Variants in GBF1 observed in about 807,000 individuals in gnomAD.
GBF1 encodes Golgi-specific brefeldin A-resistance guanine nucleotide exchange factor 1.
A neutral mutation model predicts 210.5 loss-of-function variants in GBF1; 114 were observed. The observed-to-expected ratio is 0.54, with a 90% CI of 0.47 to 0.63. GBF1 has a LOEUF of 0.63. Among genes scored for constraint, GBF1 ranks in the 30% least tolerant of loss-of-function variants. The pLI, the probability that GBF1 is intolerant of heterozygous loss-of-function variation, is 0.00. For synonymous variants in GBF1, 850 were observed against 889.2 expected, an observed-to-expected ratio of 0.96 and a Z score of 0.78; for missense variants, 1,851 against 2,357.7, an observed-to-expected ratio of 0.79 and a Z score of 4.45.
At position 102,293,764 on chromosome 10, in the gene GBF1, G is replaced by GTTTTTTTTTTTTTTT. The variant is rs1263151407; in HGVS notation, c.163+33652_163+33653insTTTTTTTTTTTTTTT. Among the ~76,000 whole-genome samples the GTTTTTTTTTTTTTTT allele has an allele frequency of 4.3e-3, 219 of 50,878 alleles. 85 individuals carry two copies. The highest frequency in any genetic ancestry group is 6.5e-3 in the Non-Finnish European group (154 of 23,610). The allele number at this position is 50,878 out of a possible 152,430, so 33.4% of individuals were successfully genotyped here. A position where few individuals can be genotyped will look rare whatever the true frequency, so the allele number is the denominator to read the frequency against. On this transcript the variant is annotated intron_variant, in intron 3 of 39. Transcript: ENST00000369983. ...AAAATATTTTGTACAGCTGTAGTAT[G>GTTTTTTTTTTTTTTT]TTTTGTGTTTTTTTTTTTTTTTTTT...
intron 3 of GBF1, among the ~76,000 whole-genome samples, chr10:102,273,747 T>C (rs1031017153): frequency 6.6e-6 from 1 of 152,280 alleles, no homozygotes; most frequent in African/African-American, 2.4e-5. Context: ...GATGGTTGTT[T>C]CTGGATGAAT....
At chr10:102,295,727 A>T (rs934869596) in intron 3 of GBF1, among the ~76,000 whole-genome samples, 2 of 152,100 alleles carry the variant, frequency 1.3e-5, no homozygotes, top group African/African-American at 4.8e-5. Context: ...TTTTTAAAAG[A>T]CTTATGTGGG....
In GBF1 at chr10:102,351,170, A is replaced by G. The variant is rs942414527; in HGVS notation, c.296-86A>G. The stretch of plus-strand genomic sequence containing the variant: ...CGGGTTAGGGAACTGAAGAGGAAAA[A>G]CTGTCTCTCAAAGCTAGACAGGCTG... On this transcript the variant is annotated intron_variant, in intron 4 of 39. Coordinates refer to ENST00000369983, the MANE Select transcript of GBF1 (RefSeq NM_001377137.1). 6.5e-6 allele frequency: 5 copies of G among 774,276 alleles called. No individual in the cohort carries two copies. The African/African-American group carries it at 8.7e-5, about 13-fold the overall frequency. 48.0% of individuals were successfully genotyped at this position (774,276 alleles called of 1,614,324 possible). A position where few individuals can be genotyped will look rare whatever the true frequency, so the allele number is the denominator to read the frequency against.
chr10:102,362,915 G>A (rs1405384318), intron 15 of GBF1, among the ~76,000 whole-genome samples: 1 of 152,174 alleles, frequency 6.6e-6, no homozygotes, highest in African/African-American at 2.4e-5. Flanking sequence ...AGAGAACAGA[G>A]ATTAAAGAAT....
intron 4 of GBF1, among the ~76,000 whole-genome samples, chr10:102,349,461 GGC>G: frequency 6.6e-6 from 1 of 152,296 alleles, no homozygotes; most frequent in East Asian, 1.9e-4. Context: ...GAACCCAGGA[GGC>G]AGAGGTTGCA....
chr10:102,356,303 A>C (rs2059284760), intron 8 of GBF1, among the ~76,000 whole-genome samples: 1 of 152,168 alleles, frequency 6.6e-6, no homozygotes, highest in Non-Finnish European at 1.5e-5. Flanking sequence ...CAGAGAGAAA[A>C]AGTGCTTCTG....
At chr10:102,298,862 C>G (rs2077114606) in intron 3 of GBF1, among the ~76,000 whole-genome samples, 1 of 152,218 alleles carries the variant, frequency 6.6e-6, no homozygotes, top group South Asian at 2.1e-4. Flanking sequence ...GGAATTGTCA[C>G]TAGAAGTCTT....
At chr10:102,291,530 T>C (rs2076436385) in intron 3 of GBF1, among the ~76,000 whole-genome samples, 1 of 152,174 alleles carries the variant, frequency 6.6e-6, no homozygotes, top group Admixed American at 6.5e-5. Context: ...GCATCAGGAC[T>C]TTTAGAGGAA....
chr10:102,304,804 T>C (rs1180021057), intron 3 of GBF1, among the ~76,000 whole-genome samples: 1 of 146,370 alleles, frequency 6.8e-6, no homozygotes, highest in Non-Finnish European at 1.5e-5. Flanking sequence ...AAGAAAGAAA[T>C]TAGGTAAAAG....
Position 102,358,241 on chromosome 10 carries a change from CTT to C in GBF1, c.787+56_787+57del, listed in dbSNP as rs1449073827. The C allele has an allele frequency of 4.7e-6, 7 of 1,504,988 alleles. No individual in the cohort carries two copies. In the East Asian group the frequency reaches 9.0e-5, roughly 19 times the overall value. 93.2% of individuals were successfully genotyped at this position (1,504,988 alleles called of 1,614,324 possible). Reference sequence around the variant, plus strand: ...AGACAAAAGAAGAGCTCCTTTCTCTCTTAGGGATTTTGAAATTGAAGACCAAC... The same window carrying C: ...AGACAAAAGAAGAGCTCCTTTCTCTCAGGGATTTTGAAATTGAAGACCAAC... On this transcript the variant is annotated intron_variant, in intron 9 of 39. Coordinates refer to ENST00000369983, the MANE Select transcript of GBF1 (RefSeq NM_001377137.1).
chr10:102,304,788 GAAA>G (rs1438392696), intron 3 of GBF1, among the ~76,000 whole-genome samples: 1 of 151,058 alleles, frequency 6.6e-6, no homozygotes, highest in African/African-American at 2.4e-5. Context: ...AAAAAAGAAA[GAAA>G]GAAAGAAAGA....
chr10:102,291,115 G>A (rs2076395973), intron 3 of GBF1, among the ~76,000 whole-genome samples: 1 of 151,758 alleles, frequency 6.6e-6, no homozygotes, highest in East Asian at 1.9e-4. Flanking sequence ...TGGATAGTGT[G>A]TTTTTTATTG....
chr10:102,253,555 C>T (rs1460163589), intron 1 of GBF1, among the ~76,000 whole-genome samples: 3 of 152,074 alleles, frequency 2.0e-5, no homozygotes, highest in Non-Finnish European at 4.4e-5. Context: ...ACTCTGTTGT[C>T]CAGGCTGGAG....
At chr10:102,289,681 A>C (rs906938262) in intron 3 of GBF1, among the ~76,000 whole-genome samples, 1 of 152,226 alleles carries the variant, frequency 6.6e-6, no homozygotes, top group Non-Finnish European at 1.5e-5. Flanking sequence ...ATAACTGGGA[A>C]AATCCTTTGG....
At chr10:102,230,851 G>C in the GBF1 span, 2 of 1,595,554 alleles carry the variant, frequency 1.3e-6, no homozygotes, top group South Asian at 2.3e-5. Flanking sequence ...GATGGAGCTG[G>C]GTGGCGAGAA....
chr10:102,277,019 T>C (rs930290722), intron 3 of GBF1, among the ~76,000 whole-genome samples: 2 of 152,080 alleles, frequency 1.3e-5, no homozygotes, highest in African/African-American at 2.4e-5. Context: ...TGTATGTATG[T>C]ATATATAGAC....
chr10:102,323,037 T>C (rs1443552880), intron 3 of GBF1, among the ~76,000 whole-genome samples: 1 of 152,018 alleles, frequency 6.6e-6, no homozygotes, highest in Non-Finnish European at 1.5e-5. Flanking sequence ...ATCACAATTT[T>C]GTGGGTTGTC....
chr10:102,296,877 T>C (rs2076948229), intron 3 of GBF1, among the ~76,000 whole-genome samples: 2 of 151,984 alleles, frequency 1.3e-5, no homozygotes, highest in Admixed American at 6.6e-5. Flanking sequence ...AAATCCCGTC[T>C]CTACTAAAAA....
In GBF1 at chr10:102,369,862, GGA is replaced by G; in HGVS notation, c.3221_3222del (p.Glu1074ValfsTer16). ...LQREETPSNR[G>X]ESTVLSFVSW... ...AGGCCATGTGCCCTTTTTCTACAGAGGAGAGTCAACAGTGCTGAGCTTTGTGA... is the reference window on the plus strand; with the variant it reads ...AGGCCATGTGCCCTTTTTCTACAGAGGAGTCAACAGTGCTGAGCTTTGTGA... On this transcript the variant is annotated frameshift_variant and splice_region_variant, in exon 26 of 40. Transcript: ENST00000369983. LOFTEE classifies it high-confidence loss of function. 6.2e-7 allele frequency: 1 copy of G among 1,614,148 alleles called. No individual in the cohort carries two copies. Among genetic ancestry groups the G allele is most frequent in the Non-Finnish European group, 8.5e-7 (1 of 1,180,020 alleles).
Sources: gnomAD v4.1 joint callset for allele counts (sites outside exome capture counted in the v4.1 genomes callset) on GRCh38, gnomAD v4.1.1 for gene constraint, MANE v1.5 for transcripts, NCBI Gene and HGNC (gene_info 2026-07-23, HGNC 2026-07-21) for gene names.